The following FBXO42 variants were observed in gnomAD, a reference collection of about 807,000 sequenced individuals.
The protein encoded by FBXO42 is F-box only protein 42.
In FBXO42, 12 loss-of-function variants were observed where a neutral mutation model predicts 71.7. That is an observed-to-expected ratio of 0.17 (90% CI 0.11 to 0.27). FBXO42 has a LOEUF of 0.27. Ranked by LOEUF, FBXO42 falls within the 10% of genes least tolerant of loss-of-function variation. The pLI, the probability that FBXO42 is intolerant of heterozygous loss-of-function variation, is 1.00. For synonymous variants in FBXO42, 325 were observed against 327.5 expected (o/e 0.99, Z 0.08); for missense variants, 707 against 911.9 (o/e 0.78, Z 2.89).
intron 4 of FBXO42, among the ~76,000 whole-genome samples, chr1:16,268,631 C>A (rs2100466170): frequency 6.6e-6 from 1 of 152,170 alleles, no homozygotes; most frequent in East Asian, 2.0e-4. Flanking sequence ...CCTTAAATAA[C>A]ATCTTAACTC....
intron 4 of FBXO42, among the ~76,000 whole-genome samples, chr1:16,270,601 G>A (rs2081828622): frequency 6.8e-6 from 1 of 147,232 alleles, no homozygotes; most frequent in Admixed American, 6.9e-5. Flanking sequence ...CACTTTGTGA[G>A]GCTGAGGTGG....
At chr1:16,262,605 G>A (rs188550311) in intron 4 of FBXO42, among the ~76,000 whole-genome samples, 3 of 152,242 alleles carry the variant, frequency 2.0e-5, no homozygotes, top group East Asian at 1.9e-4. Context: ...TTCAAGAATC[G>A]CTTGAACCTG....
At chr1:16,333,781 C>G (rs2082524676) in intron 1 of FBXO42, among the ~76,000 whole-genome samples, 1 of 152,012 alleles carries the variant, frequency 6.6e-6, no homozygotes, top group South Asian at 2.1e-4. Flanking sequence ...TACCAATTGT[C>G]TTTTTATGTG....
intron 4 of FBXO42, among the ~76,000 whole-genome samples, chr1:16,276,708 A>G (rs940946379): frequency 3.3e-5 from 5 of 152,264 alleles, no homozygotes; most frequent in African/African-American, 7.2e-5. Context: ...GTAATAAAAC[A>G]TGAAGTACTG....
chr1:16,272,154 CAAAAAAA>C (rs999974704), intron 4 of FBXO42, among the ~76,000 whole-genome samples: 2 of 44,644 alleles, frequency 4.5e-5, no homozygotes, highest in African/African-American at 8.8e-5. Context: ...GACTCCGTCC[CAAAAAAA>C]AAAAAAAAAA....
At chr1:16,283,505 T>TTGTTTTTTTTTG (rs1235658149) in intron 4 of FBXO42, among the ~76,000 whole-genome samples, 6 of 136,678 alleles carry the variant, frequency 4.4e-5, no homozygotes, top group South Asian at 2.5e-4. Flanking sequence ...TTTTTTTTTT[T>TTGTTTTTTTTTG]TTTTTTTTTT....
At chr1:16,280,953 G>T (rs1475921757) in intron 4 of FBXO42, among the ~76,000 whole-genome samples, 1 of 152,032 alleles carries the variant, frequency 6.6e-6, no homozygotes, top group Non-Finnish European at 1.5e-5. Context: ...CTTGTTGTGT[G>T]TGTGTTTGTT....
At chr1:16,330,708 G>T (rs570269459) in intron 1 of FBXO42, among the ~76,000 whole-genome samples, 1 of 151,996 alleles carries the variant, frequency 6.6e-6, no homozygotes, top group Non-Finnish European at 1.5e-5. Flanking sequence ...TTGGGAGACC[G>T]AGGAGGTGAA....
chr1:16,340,551 T>C (rs2082592977), intron 1 of FBXO42, among the ~76,000 whole-genome samples: 1 of 152,060 alleles, frequency 6.6e-6, no homozygotes, highest in Non-Finnish European at 1.5e-5. Context: ...ACTCCTGACC[T>C]CAAGTGATCC....
intron 1 of FBXO42, among the ~76,000 whole-genome samples, chr1:16,335,570 A>G (rs1211631984): frequency 6.6e-6 from 1 of 152,126 alleles, no homozygotes. Flanking sequence ...ATCTGGATCA[A>G]AAACTTTTGA....
chr1:16,283,028 A>G (rs566153357), intron 4 of FBXO42, among the ~76,000 whole-genome samples: 2 of 151,752 alleles, frequency 1.3e-5, no homozygotes, highest in African/African-American at 4.8e-5. Context: ...CCAACTCCTG[A>G]GATTAGGTGA....
intron 3 of FBXO42, 111 bp downstream of exon 3, chr1:16,305,691 GT>G: frequency 2.3e-6 from 2 of 878,672 alleles, no homozygotes; most frequent in Non-Finnish European, 3.8e-6. Flanking sequence ...TCCAGCTTGG[GT>G]GATAGAGTGA....
intron 1 of FBXO42, among the ~76,000 whole-genome samples, chr1:16,326,386 T>C (rs1458571365): frequency 6.6e-6 from 1 of 151,194 alleles, no homozygotes; most frequent in Non-Finnish European, 1.5e-5. Flanking sequence ...ACTCGAGTTT[T>C]AAAATTTCTT....
chr1:16,250,676 C>T lies in FBXO42; in HGVS notation c.2148G>A (p.Lys716=). The T allele has an allele frequency of 9.9e-6, 16 of 1,612,706 alleles. No individual in the cohort carries two copies. Among genetic ancestry groups the T allele is most frequent in the Non-Finnish European group, 1.4e-5 (16 of 1,179,104 alleles). ...GAAAGGGGTTTAGAACACATTATCTCTTTGCTCGTACAAAGTACAAGGCGT... is the reference window on the plus strand; with the variant it reads ...GAAAGGGGTTTAGAACACATTATCTTTTTGCTCGTACAAAGTACAAGGCGT... ...KTNALYFVRA[K]R is the part of the protein sequence containing the mutation. Residue 716 remains lysine, a synonymous_variant, in exon 10 of 10, where the codon AAG becomes AAA. Coordinates refer to ENST00000375592, the MANE Select transcript of FBXO42 (RefSeq NM_018994.3). The surrounding 1 kb of genome is among the most constrained non-coding windows in gnomAD (Gnocchi z 4.7).
intron 1 of FBXO42, among the ~76,000 whole-genome samples, chr1:16,345,435 G>GAATAA (rs1198061061): frequency 5.9e-5 from 9 of 151,650 alleles, no homozygotes; most frequent in Non-Finnish European, 1.0e-4. Context: ...AAATAAAATA[G>GAATAA]AATAAAATAA....
intron 1 of FBXO42, among the ~76,000 whole-genome samples, chr1:16,324,719 G>T (rs972168393): frequency 6.6e-6 from 1 of 152,216 alleles, no homozygotes; most frequent in African/African-American, 2.4e-5. Flanking sequence ...GGGGGTCTGA[G>T]GTGCGAGCAT....
intron 1 of FBXO42, among the ~76,000 whole-genome samples, chr1:16,333,661 G>T (rs2082524102): frequency 6.6e-6 from 1 of 152,086 alleles, no homozygotes; most frequent in Admixed American, 6.6e-5. Context: ...ATAAAGTCAA[G>T]ACAAGGCAAG....
intron 1 of FBXO42, among the ~76,000 whole-genome samples, chr1:16,335,373 A>C (rs1327578230): frequency 6.6e-6 from 1 of 152,126 alleles, no homozygotes; most frequent in African/African-American, 2.4e-5. Flanking sequence ...CCTGGGTTCA[A>C]GTGATCCTCC....
At chr1:16,259,733 T>A (rs1377535046) in intron 4 of FBXO42, among the ~76,000 whole-genome samples, 1 of 145,838 alleles carries the variant, frequency 6.9e-6, no homozygotes, top group African/African-American at 2.6e-5. Context: ...GCCACTGCAC[T>A]CTGGCCTGAG....
Sources: gnomAD v4.1 joint callset for allele counts (sites outside exome capture counted in the v4.1 genomes callset) on GRCh38, gnomAD v4.1.1 for gene constraint, Gnocchi (gnomAD v3.1) non-coding constraint, MANE v1.5 for transcripts, NCBI Gene and HGNC (gene_info 2026-07-23, HGNC 2026-07-21) for gene names.